Variants in LRRC71 observed in about 807,000 individuals in gnomAD.
The protein encoded by LRRC71 is leucine-rich repeat-containing protein 71.
In LRRC71, 54 loss-of-function variants were observed where a neutral mutation model predicts 66.6. The ratio of observed to expected loss-of-function variants is 0.81; its 90% CI spans 0.65 to 1.02. The LOEUF is 1.02. Among genes scored for constraint, LRRC71 ranks in the 50% least tolerant of loss-of-function variants. LRRC71 has a pLI of 0.00. For synonymous variants in LRRC71, 323 were observed against 303.9 expected, an observed-to-expected ratio of 1.06 and a Z score of -0.65; for missense variants, 724 against 718.0, an observed-to-expected ratio of 1.01 and a Z score of -0.10.
intron 1 of LRRC71, among the ~76,000 whole-genome samples, chr1:156,923,325 T>A (rs1003912682): frequency 6.6e-6 from 1 of 152,064 alleles, no homozygotes; most frequent in African/African-American, 2.4e-5. Flanking sequence ...AGACTCAGAG[T>A]CTCAAGTTTG....
At chr1:156,923,880 G>A (rs1481058483) in intron 1 of LRRC71, 69 bp from the exon 2 acceptor site, 30 of 1,403,346 alleles carry the variant, frequency 2.1e-5, no homozygotes, top group Non-Finnish European at 2.8e-5. Flanking sequence ...CCCTCCGCCC[G>A]CGCGGGAGAG....
At chr1:156,938,383 T>C in the LRRC71 span, 1 of 1,598,450 alleles carries the variant, frequency 6.3e-7, no homozygotes, top group South Asian at 1.1e-5. Context: ...ACTCCAGTCT[T>C]GGCCTGTCTT....
chr1:156,937,717 G>A (rs561496511), downstream of LRRC71, among the ~76,000 whole-genome samples: 24 of 152,302 alleles, frequency 1.6e-4, no homozygotes, highest in South Asian at 4.4e-3. Flanking sequence ...CCCAAGCTGG[G>A]GGAGATGCTG....
the LRRC71 span, chr1:156,938,591 G>A: frequency 7.1e-7 from 1 of 1,402,684 alleles, no homozygotes; most frequent in Non-Finnish European, 1.0e-6. Context: ...ACAGGAAGGA[G>A]AGAGGGCAGG....
intron 1 of LRRC71, among the ~76,000 whole-genome samples, chr1:156,922,117 A>G (rs1652485066): frequency 6.6e-6 from 1 of 152,166 alleles, no homozygotes; most frequent in Non-Finnish European, 1.5e-5. Context: ...CACATGGGTC[A>G]GCAGTGCCTG....
At chr1:156,939,605 G>C in the LRRC71 span, 1 of 1,613,426 alleles carries the variant, frequency 6.2e-7, no homozygotes, top group Non-Finnish European at 8.5e-7. Context: ...TCTTCAGCCA[G>C]ATTCCTGTCC....
At chr1:156,939,476 C>G in the LRRC71 span, 1 of 1,593,888 alleles carries the variant, frequency 6.3e-7, no homozygotes. Flanking sequence ...GGGAAGGAAG[C>G]AGCTGTTCGG....
At chr1:156,921,611 A>G (rs1436767903) in intron 1 of LRRC71, 18 of 984,930 alleles carry the variant, frequency 1.8e-5, no homozygotes, top group South Asian at 9.4e-5. Flanking sequence ...GTGCTGGTGG[A>G]TGGGGAGAAG....
intron 1 of LRRC71, among the ~76,000 whole-genome samples, chr1:156,921,979 A>G (rs971421134): frequency 2.6e-5 from 4 of 152,126 alleles, no homozygotes; most frequent in African/African-American, 9.7e-5. Flanking sequence ...TGACAGAGCA[A>G]GAAAGATTCT....
In LRRC71 at chr1:156,929,660, T is replaced by C. The variant is rs749251655; in HGVS notation, c.1171T>C (p.Leu391=). The C allele has an allele frequency of 5.7e-6, 9 of 1,587,456 alleles. No homozygotes were observed. Among genetic ancestry groups the C allele is most frequent in the South Asian group, 1.2e-5 (1 of 86,746 alleles). ...SWELAKKEEK[L]GSGQSPTQGT... Reference sequence around the variant, plus strand: ...GGAATTGGCCAAGAAAGAGGAGAAGTTGGGGTCTGGGCAGTCACCCACACA... The same window carrying C: ...GGAATTGGCCAAGAAAGAGGAGAAGCTGGGGTCTGGGCAGTCACCCACACA... The change falls in exon 11 of 15, where the codon TTG becomes CTG. Residue 391 remains leucine (L), a synonymous_variant. Transcript: ENST00000337428.
At chr1:156,923,869 C>A in intron 1 of LRRC71, 80 bp from the exon 2 acceptor site, 1 of 1,375,190 alleles carries the variant, frequency 7.3e-7, no homozygotes, top group Non-Finnish European at 9.6e-7. Flanking sequence ...CTGAGGAGGG[C>A]CCCTCCGCCC....
At chr1:156,933,169 A>G (rs775842049), downstream of LRRC71, 4 of 528,766 alleles carry the variant, frequency 7.6e-6, no homozygotes, top group Admixed American at 3.5e-5. Flanking sequence ...CATGCCAGGA[A>G]TGGCAGAAAA....
the LRRC71 span, chr1:156,940,135 A>G: frequency 4.7e-6 from 7 of 1,488,514 alleles, no homozygotes; most frequent in Non-Finnish European, 6.3e-6. Flanking sequence ...TGGAGGGTGC[A>G]GGCGCCTGCC....
chr1:156,926,856 G>C (rs909698995), intron 5 of LRRC71, among the ~76,000 whole-genome samples: 1 of 152,140 alleles, frequency 6.6e-6, no homozygotes, highest in Non-Finnish European at 1.5e-5. Context: ...GATTACAGGC[G>C]TGAGCCACTG....
chr1:156,928,405 T>TTCTTCTTCTTCTTCTTCC (rs1557789105), intron 9 of LRRC71, among the ~76,000 whole-genome samples: 3 of 126,622 alleles, frequency 2.4e-5, no homozygotes, highest in South Asian at 2.5e-4. Context: ...CTTCTTCTTC[T>TTCTTCTTCTTCTTCTTCC]TCCTCTTATT....
intron 9 of LRRC71, among the ~76,000 whole-genome samples, chr1:156,928,559 CTTACT>C (rs1424062612): frequency 3.4e-4 from 40 of 118,534 alleles, no homozygotes; most frequent in East Asian, 7.6e-4. Context: ...CTTTCTTCTT[CTTACT>C]TTTTTTTTTT....
chr1:156,936,480 GAAAAAA>G (rs35863393), downstream of LRRC71, among the ~76,000 whole-genome samples: 8 of 48,018 alleles, frequency 1.7e-4, no homozygotes, highest in African/African-American at 8.1e-4. Flanking sequence ...CAAATAAATA[GAAAAAA>G]AAAAAAAAAA....
chr1:156,936,215 T>C, downstream of LRRC71: 3 of 826,610 alleles, frequency 3.6e-6, no homozygotes, highest in Non-Finnish European at 6.5e-6. Context: ...AAGGGCTGTC[T>C]ACTGAACTCC....
Position 156,927,581 on chromosome 1 carries a change from T to A in LRRC71, c.748T>A (p.Cys250Ser). Reference protein sequence around the residue: ...LGQALSTLHSCNRTLVSLNLG... With the variant: ...LGQALSTLHSSNRTLVSLNLG... ...CCAGGCGCTGTCCACGCTGCACAGCTGCAACCGGACCCTCGTCTCGCTCAA... is the reference window on the plus strand; with the variant it reads ...CCAGGCGCTGTCCACGCTGCACAGCAGCAACCGGACCCTCGTCTCGCTCAA... Residue 250 changes from cysteine to serine, a missense_variant, in exon 7 of 15, where the codon TGC becomes AGC. Coordinates refer to ENST00000337428, the MANE Select transcript of LRRC71 (RefSeq NM_144702.3). 6.3e-7 allele frequency: 1 copy of A among 1,597,778 alleles called. No homozygotes were observed. Among genetic ancestry groups the A allele is most frequent in the Non-Finnish European group, 8.5e-7 (1 of 1,171,874 alleles).
Sources: allele counts gnomAD v4.1 joint callset (sites outside exome capture counted in the v4.1 genomes callset), GRCh38; gene constraint gnomAD v4.1.1; transcripts MANE v1.5; gene names NCBI Gene and HGNC (gene_info 2026-07-23, HGNC 2026-07-21).